CYTH1: variants seen among roughly 807,000 people sequenced by gnomAD.
The protein encoded by CYTH1 is cytohesin-1.
Under a neutral mutation model 61.8 loss-of-function variants are expected in CYTH1, and 18 were observed. The observed-to-expected ratio is 0.29, with a 90% CI of 0.20 to 0.43. The LOEUF is 0.43. Among genes scored for constraint, CYTH1 ranks in the 20% least tolerant of loss-of-function variants. The probability of loss-of-function intolerance (pLI) is 1.00; values close to 1 mark genes in which losing one functional copy is unlikely to be tolerated. For synonymous variants in CYTH1, 174 were observed against 184.3 expected (o/e 0.94, Z 0.45); for missense variants, 336 against 510.5 (o/e 0.66, Z 3.29).
At chr17:78,760,586 T>TATATATATATACACATAC (rs1491096699) in intron 1 of CYTH1, among the ~76,000 whole-genome samples, 1 of 6,848 alleles carries the variant, frequency 1.5e-4, no homozygotes, top group Admixed American at 3.2e-3. Context: ...CATATATATG[T>TATATATATATACACATAC]ATATATATGT....
chr17:78,722,182 A>C (rs1339411392), intron 1 of CYTH1, among the ~76,000 whole-genome samples: 1 of 152,216 alleles, frequency 6.6e-6, no homozygotes, highest in Non-Finnish European at 1.5e-5. Context: ...TAGAAAAATA[A>C]AGTTAACATC....
intron 1 of CYTH1, among the ~76,000 whole-genome samples, chr17:78,779,168 A>T (rs1325353382): frequency 6.6e-6 from 1 of 152,188 alleles, no homozygotes; most frequent in Non-Finnish European, 1.5e-5. Context: ...TGGGAGGCTT[A>T]GGCAGGCAGA....
At chr17:78,735,642 A>G (rs543028313) in intron 1 of CYTH1, among the ~76,000 whole-genome samples, 3 of 152,196 alleles carry the variant, frequency 2.0e-5, no homozygotes, top group Admixed American at 6.5e-5. Flanking sequence ...ATTTGCACTT[A>G]GAGGTGGGGC....
chr17:78,764,920 C>CG (rs1415670641), intron 1 of CYTH1, among the ~76,000 whole-genome samples: 1 of 151,754 alleles, frequency 6.6e-6, no homozygotes, highest in African/African-American at 2.4e-5. Context: ...AGTAGGTTCC[C>CG]GGGGGATGAG....
chr17:78,692,466 C>T lies in CYTH1; in HGVS notation c.842G>A (p.Arg281His). The change falls in exon 11 of 14, where the codon CGC (arginine) becomes CAC (histidine). Residue 281 changes from arginine to histidine, a missense_variant. Physicochemically the swap from Arg to His is conservative, Grantham distance 29. Transcript: ENST00000446868. The stretch of plus-strand genomic sequence containing the variant: ...GCAGTTGTCAGTCAGAATGAACCAG[C>T]GTCTCTTCCAAGTCTTTACCCTGCC... ...GGGRVKTWKR[R>H]WFILTDNCLY... 3.7e-6 allele frequency: 6 copies of T among 1,614,020 alleles called. No individual in the cohort carries two copies. The highest frequency in any genetic ancestry group is 3.4e-6 in the Non-Finnish European group (4 of 1,179,992).
intron 11 of CYTH1, among the ~76,000 whole-genome samples, chr17:78,683,416 C>A (rs764765843): frequency 7.2e-5 from 11 of 152,198 alleles, no homozygotes; most frequent in Non-Finnish European, 1.5e-5. Context: ...GAAGCCTGTG[C>A]ACTGTGACCA....
intron 1 of CYTH1, among the ~76,000 whole-genome samples, chr17:78,735,705 C>A (rs368068058): frequency 6.6e-6 from 1 of 152,268 alleles, no homozygotes; most frequent in East Asian, 1.9e-4. Context: ...AAGAGGACAC[C>A]CAAGTTTTAT....
chr17:78,714,833 C>T (rs1405828162), intron 1 of CYTH1, among the ~76,000 whole-genome samples: 2 of 151,662 alleles, frequency 1.3e-5, no homozygotes, highest in African/African-American at 4.9e-5. Context: ...AGAAAACTCA[C>T]CCTAGAGCAA....
At position 78,675,925 on chromosome 17, in the gene CYTH1, ACCCTTCTCC is replaced by A; in HGVS notation, c.*157_*165del. ...CTCTCTTCCCCAGTGATAACTGCCC[ACCCTTCTCC>A]CACTTAAAAAAAATAGCAAAAGCTG... On this transcript the variant is annotated 3_prime_UTR_variant, in exon 14 of 14. Coordinates refer to ENST00000446868, the MANE Select transcript of CYTH1 (RefSeq NM_004762.6). The A allele has an allele frequency of 6.5e-7, 1 of 1,543,350 alleles. No homozygotes were observed.
At chr17:78,679,159 T>C (rs2092731800) in intron 13 of CYTH1, among the ~76,000 whole-genome samples, 1 of 152,180 alleles carries the variant, frequency 6.6e-6, no homozygotes, top group African/African-American at 2.4e-5. Flanking sequence ...GGCTGTAGCC[T>C]GGGTGGGAGA....
chr17:78,772,538 G>A (rs558911269), intron 1 of CYTH1, among the ~76,000 whole-genome samples: 10 of 152,022 alleles, frequency 6.6e-5, no homozygotes, highest in South Asian at 2.1e-4. Context: ...GTTTTGTTTC[G>A]TTTTTGTTTT....
intron 13 of CYTH1, chr17:78,677,858 T>C (rs2092717556): frequency 1.3e-5 from 2 of 152,274 alleles, no homozygotes; most frequent in Admixed American, 1.3e-4. Flanking sequence ...CAAGGACAGC[T>C]GAGGCTGCAC....
intron 3 of CYTH1, among the ~76,000 whole-genome samples, chr17:78,705,238 T>TA (rs2093053032): frequency 6.6e-6 from 1 of 152,134 alleles, no homozygotes; most frequent in African/African-American, 2.4e-5. Context: ...CACTCCCAGA[T>TA]ATCCGCCAGT....
intron 6 of CYTH1, among the ~76,000 whole-genome samples, chr17:78,701,431 A>T (rs952771879): frequency 6.6e-6 from 1 of 152,236 alleles, no homozygotes; most frequent in African/African-American, 2.4e-5. Flanking sequence ...AAAACCTCAA[A>T]TATAAGACTC....
intron 2 of CYTH1, chr17:78,708,876 G>A (rs1290619274): frequency 3.9e-5 from 6 of 152,558 alleles, no homozygotes; most frequent in Admixed American, 3.9e-4. Flanking sequence ...AAGGATCAGG[G>A]AGAACTATCA....
chr17:78,675,056 G>C lies in CYTH1; in HGVS notation c.*1035C>G, dbSNP rs1054054454. ...GGCAGAAAAAGCTGAAGCCCTACGG[G>C]GATCGGGGAAGTCCTACTCCTTCCT... On this transcript the variant is annotated 3_prime_UTR_variant, in exon 14 of 14. Coordinates refer to ENST00000446868, the MANE Select transcript of CYTH1 (RefSeq NM_004762.6). 1 of 152,274 alleles carries C rather than the reference G, an allele frequency of 6.6e-6. No individual in the cohort carries two copies. Among genetic ancestry groups the C allele is most frequent in the African/African-American group, 2.4e-5 (1 of 41,458 alleles). 9.4% of individuals were successfully genotyped at this position (152,274 alleles called of 1,614,324 possible). A position where few individuals can be genotyped will look rare whatever the true frequency, so the allele number is the denominator to read the frequency against.
intron 11 of CYTH1, among the ~76,000 whole-genome samples, chr17:78,683,877 C>T (rs114566190): frequency 5.9e-5 from 9 of 152,128 alleles, no homozygotes; most frequent in Non-Finnish European, 7.4e-5. Flanking sequence ...TTGAGGATTC[C>T]GCTGGGTTAA....
intron 1 of CYTH1, chr17:78,728,026 G>A (rs540695240): frequency 1.5e-5 from 3 of 196,436 alleles, no homozygotes; most frequent in East Asian, 1.6e-4. Flanking sequence ...CTCCCTCCAC[G>A]ACAAATGGAT....
chr17:78,750,632 C>T (rs1472487712), intron 1 of CYTH1, among the ~76,000 whole-genome samples: 1 of 151,904 alleles, frequency 6.6e-6, no homozygotes, highest in African/African-American at 2.4e-5. Flanking sequence ...ATGGTGAAAC[C>T]CCATCTCTAT....
Sources: gnomAD v4.1 joint callset for allele counts (sites outside exome capture counted in the v4.1 genomes callset) on GRCh38, gnomAD v4.1.1 for gene constraint, MANE v1.5 for transcripts, NCBI Gene and HGNC (gene_info 2026-07-23, HGNC 2026-07-21) for gene names.